The following ZNF274 variants were observed in gnomAD, a reference collection of about 807,000 sequenced individuals.
ZNF274 encodes neurotrophin receptor-interacting factor homolog.
Under a neutral mutation model 42.5 loss-of-function variants are expected in ZNF274, and 23 were observed. That is an observed-to-expected ratio of 0.54 (90% CI 0.39 to 0.77). The LOEUF is 0.77. ZNF274 is among the 30% of genes least tolerant of loss of function. The pLI, the probability that ZNF274 is intolerant of heterozygous loss-of-function variation, is 0.00. For synonymous variants in ZNF274, 292 were observed against 305.4 expected (o/e 0.96, Z 0.46); for missense variants, 679 against 806.5 (o/e 0.84, Z 1.91).
At chr19:58,209,910 C>T (rs151147717) in intron 5 of ZNF274, 51 bp from the exon 6 acceptor site, 8 of 1,425,378 alleles carry the variant, frequency 5.6e-6, no homozygotes, top group Admixed American at 1.8e-5. Context: ...CCTTGCCCTG[C>T]CTAAGGGTCC....
At chr19:58,210,592 G>C (rs1391025011) in intron 6 of ZNF274, 1 of 152,560 alleles carries the variant, frequency 6.6e-6, no homozygotes, top group South Asian at 2.1e-4. Flanking sequence ...CTCAAGCGTA[G>C]AAGTCAATTT....
chr19:58,188,694 G>GTATATGTA (rs1221412961), intron 4 of ZNF274, among the ~76,000 whole-genome samples: 1 of 74,654 alleles, frequency 1.3e-5, no homozygotes, highest in African/African-American at 5.4e-5. Context: ...ATATGTATAT[G>GTATATGTA]TATATATATA....
At chr19:58,190,783 G>A (rs2075770714) in intron 4 of ZNF274, among the ~76,000 whole-genome samples, 1 of 152,108 alleles carries the variant, frequency 6.6e-6, no homozygotes, top group Non-Finnish European at 1.5e-5. Context: ...CCTTCTCTTT[G>A]TTTTCTGTGC....
chr19:58,183,906 C>T lies in ZNF274; in HGVS notation c.-45-15C>T. On this transcript the variant is annotated splice_polypyrimidine_tract_variant and intron_variant, in intron 1 of 7. Transcript: ENST00000617501. ...CTTAAGCCTCTCCCTCCCCTCCCAA[C>T]TTCGGTTTCCTCAGGACTCTGCCCA... 3 of 1,551,192 alleles carry T rather than the reference C, an allele frequency of 1.9e-6. No individual in the cohort carries two copies. Among genetic ancestry groups the T allele is most frequent in the Non-Finnish European group, 2.6e-6 (3 of 1,144,108 alleles).
intron 4 of ZNF274, among the ~76,000 whole-genome samples, chr19:58,199,280 T>C (rs2075881101): frequency 6.6e-6 from 1 of 151,324 alleles, no homozygotes; most frequent in Non-Finnish European, 1.5e-5. Flanking sequence ...ACAGGAGAAT[T>C]GATTGAACCC....
intron 4 of ZNF274, among the ~76,000 whole-genome samples, chr19:58,192,637 A>G (rs2075791193): frequency 6.6e-6 from 1 of 152,254 alleles, no homozygotes; most frequent in African/African-American, 2.4e-5. Flanking sequence ...TAGATTACTT[A>G]TAATACCGAA....
intron 4 of ZNF274, among the ~76,000 whole-genome samples, chr19:58,188,009 G>C (rs1279924348): frequency 6.6e-6 from 1 of 152,182 alleles, no homozygotes; most frequent in African/African-American, 2.4e-5. Context: ...ACAGGCATGA[G>C]CCATTGTGCC....
intron 4 of ZNF274, among the ~76,000 whole-genome samples, chr19:58,204,406 G>A (rs905745573): frequency 1.3e-5 from 2 of 152,138 alleles, no homozygotes; most frequent in African/African-American, 4.8e-5. Context: ...CATTTCGTCG[G>A]CTGAGAGACT....
chr19:58,187,087 G>C (rs940630525), intron 4 of ZNF274, 45 bp downstream of exon 4: 7 of 1,495,744 alleles, frequency 4.7e-6, no homozygotes, highest in Non-Finnish European at 6.5e-6. Context: ...GGGGCCAACT[G>C]ATGAGTCAGG....
Position 58,208,360 on chromosome 19 carries a change from G to A in ZNF274, c.739+1158G>A, listed in dbSNP as rs978502193. ...TCAGATGCACCAAGTCTGGGGTGCT[G>A]TACTTGGCAGAATAATTGCCCCAAA... On this transcript the variant is annotated intron_variant, in intron 5 of 7. Coordinates refer to ENST00000617501, the MANE Select transcript of ZNF274 (RefSeq NM_133502.3). The surrounding 1 kb of genome is among the most constrained non-coding windows in gnomAD (Gnocchi z 4.5). 22 of 152,254 alleles carry A rather than the reference G, an allele frequency of 1.4e-4. No individual in the cohort carries two copies. Among genetic ancestry groups the A allele is most frequent in the African/African-American group, 5.3e-4 (22 of 41,456 alleles). The allele number at this position is 152,254 out of a possible 1,614,324, so 9.4% of individuals were successfully genotyped here. A position where few individuals can be genotyped will look rare whatever the true frequency, so the allele number is the denominator to read the frequency against.
intron 4 of ZNF274, 70 bp from the exon 5 acceptor site, chr19:58,206,650 G>A (rs953119806): frequency 1.2e-5 from 18 of 1,471,348 alleles, no homozygotes; most frequent in Middle Eastern, 1.8e-4. Flanking sequence ...CATTTCCCTA[G>A]TGAATAATGG....
intron 2 of ZNF274, chr19:58,185,486 TA>T: frequency 3.6e-6 from 1 of 274,962 alleles, no homozygotes; most frequent in Non-Finnish European, 6.8e-6. Flanking sequence ...TTTCATATGC[TA>T]CAGAGATCTC....
At chr19:58,190,213 T>C (rs1358131665) in intron 4 of ZNF274, among the ~76,000 whole-genome samples, 1 of 149,974 alleles carries the variant, frequency 6.7e-6, no homozygotes, top group Non-Finnish European at 1.5e-5. Context: ...GGCAGTGCGA[T>C]CTCAGCTCAC....
rs953640860 is a variant in ZNF274, at chr19:58,212,561, G to A, written c.1380G>A (p.Met460Ile). ...LRKRDSQVKS[M>I]KHNSRVKIHQ... ...AACGTGACTCACAAGTTAAAAGTATGAAACATAATTCACGTGTAAAAATTC... is the reference window on the plus strand; with the variant it reads ...AACGTGACTCACAAGTTAAAAGTATAAAACATAATTCACGTGTAAAAATTC... Residue 460 changes from methionine to isoleucine, a missense_variant, in exon 8 of 8, where the codon ATG (methionine) becomes ATA (isoleucine). By Grantham distance (10) the Met-to-Ile change is conservative. Transcript: ENST00000617501. The surrounding 1 kb of genome is among the most constrained non-coding windows in gnomAD (Gnocchi z 4.6). 58 of 1,613,892 alleles carry A rather than the reference G, an allele frequency of 3.6e-5. No individual in the cohort carries two copies. The East Asian group carries it at 1.3e-3, about 36-fold the overall frequency.
In ZNF274 at chr19:58,212,830, T is replaced by G; in HGVS notation, c.1649T>G (p.Leu550Arg). The G allele has an allele frequency of 6.2e-7, 1 of 1,613,994 alleles. No homozygotes were observed. The highest frequency in any genetic ancestry group is 8.5e-7 in the Non-Finnish European group (1 of 1,179,894). Residue 550 changes from leucine (L) to arginine (R), a missense_variant, in exon 8 of 8, where the codon CTC becomes CGC. Around this residue, in one of 2 missense-constraint regions of ZNF274, gnomAD observed 456 missense variants for 590.1 expected, o/e 0.77. Coordinates refer to ENST00000617501, the MANE Select transcript of ZNF274 (RefSeq NM_133502.3). The surrounding 1 kb of genome is among the most constrained non-coding windows in gnomAD (Gnocchi z 4.6). Reference protein sequence around the residue: ...CGKGFVQSSSLTQHQRVHSGE... With the variant: ...CGKGFVQSSSRTQHQRVHSGE... ...AAAGGATTTGTTCAGAGCTCTTCCCTCACACAGCATCAGAGAGTTCATTCT... is the reference window on the plus strand; with the variant it reads ...AAAGGATTTGTTCAGAGCTCTTCCCGCACACAGCATCAGAGAGTTCATTCT...
chr19:58,184,301 G>T (rs1458986999), intron 2 of ZNF274: 8 of 298,300 alleles, frequency 2.7e-5, no homozygotes, highest in Non-Finnish European at 4.5e-5. Context: ...TTTGTTTTTT[G>T]TTTTTTGAGA....
chr19:58,185,658 TC>T (rs1021271555), intron 2 of ZNF274, 53 bp from the exon 3 acceptor site: 1 of 1,383,120 alleles, frequency 7.2e-7, no homozygotes, highest in African/African-American at 1.5e-5. Flanking sequence ...CCCCTGTCTT[TC>T]TTTTGTCGTG....
rs770769650 is a variant in ZNF274, at chr19:58,183,960, G to T, written c.-6G>T. 1.3e-6 allele frequency: 2 copies of T among 1,594,716 alleles called. No homozygotes were observed. Among genetic ancestry groups the T allele is most frequent in the Non-Finnish European group, 1.7e-6 (2 of 1,170,608 alleles). On this transcript the variant is annotated 5_prime_UTR_variant, in exon 2 of 8. Transcript: ENST00000617501. ...CCACCAGAGACACATTGAGAAGGAG[G>T]AAACTATGGCCTCCAGGCTTCCGAC... is the stretch of plus-strand genomic sequence containing the variant.
chr19:58,190,277 A>T (rs999495598), intron 4 of ZNF274, among the ~76,000 whole-genome samples: 4 of 151,092 alleles, frequency 2.6e-5, no homozygotes, highest in Non-Finnish European at 5.9e-5. Flanking sequence ...CCTCCTGAGT[A>T]GCTGGGACTA....
Sources: gnomAD v4.1 joint callset for allele counts (sites outside exome capture counted in the v4.1 genomes callset) on GRCh38, gnomAD v4.1.1 for gene constraint, gnomAD v4.1.1 regional missense constraint, Gnocchi (gnomAD v3.1) non-coding constraint, MANE v1.5 for transcripts, NCBI Gene and HGNC (gene_info 2026-07-23, HGNC 2026-07-21) for gene names.